CDH20: variants seen among roughly 807,000 people sequenced by gnomAD.
The protein encoded by CDH20 is cadherin 20, also known as cadherin-20.
Under a neutral mutation model 74.2 loss-of-function variants are expected in CDH20, and 29 were observed. The observed-to-expected ratio is 0.39, with a 90% confidence interval of 0.29 to 0.53. The LOEUF (loss-of-function observed/expected upper bound fraction) is 0.53, where lower values mean the gene tolerates loss of function less well. CDH20 is among the 20% of genes least tolerant of loss of function. CDH20 has a pLI of 0.69. For missense variants in CDH20, 988 were observed against 1,048.3 expected, an observed-to-expected ratio of 0.94 and a Z score of 0.79; for synonymous variants, 469 against 405.4, an observed-to-expected ratio of 1.16 and a Z score of -1.88.
At chr18:61,514,619 A>G (rs1358380848) in intron 6 of CDH20, among the ~76,000 whole-genome samples, 2 of 149,430 alleles carry the variant, frequency 1.3e-5, no homozygotes, top group African/African-American at 4.9e-5. Flanking sequence ...TTTTTTCCCC[A>G]TCTTTGTGGT....
chr18:61,400,952 A>G (rs1912133347), intron 1 of CDH20, among the ~76,000 whole-genome samples: 2 of 152,198 alleles, frequency 1.3e-5, no homozygotes, highest in South Asian at 4.1e-4. Flanking sequence ...AGTGGCTGCT[A>G]TTTAGACTTA....
At position 61,353,557 on chromosome 18, in the gene CDH20, G is replaced by A. The variant is rs550297662; in HGVS notation, c.-153+19730G>A. On this transcript the variant is annotated intron_variant, in intron 1 of 11. Transcript: ENST00000262717. The surrounding 1 kb of genome is among the most constrained non-coding windows in gnomAD (Gnocchi z 4.6). ...CAGCTTTACTTGCTTTTGAATATCC[G>A]ACAGTGTGTATCACAGTGCTTTGCA... 1.9e-4 allele frequency among the ~76,000 whole-genome samples: 29 copies of A among 152,238 alleles called. No homozygotes were observed. Among genetic ancestry groups the A allele is most frequent in the Middle Eastern group, 6.8e-3 (2 of 294 alleles).
At chr18:61,452,263 A>G (rs1216097050) in intron 1 of CDH20, among the ~76,000 whole-genome samples, 2 of 152,156 alleles carry the variant, frequency 1.3e-5, no homozygotes, top group East Asian at 1.9e-4. Context: ...TGTATGTGTG[A>G]AATTTTATGT....
chr18:61,393,592 A>T (rs1263909849), intron 1 of CDH20, among the ~76,000 whole-genome samples: 3 of 152,182 alleles, frequency 2.0e-5, no homozygotes, highest in Non-Finnish European at 2.9e-5. Flanking sequence ...AATTATATAA[A>T]TTGTGTATAG....
intron 1 of CDH20, among the ~76,000 whole-genome samples, chr18:61,417,549 A>G (rs910897901): frequency 1.3e-4 from 17 of 129,310 alleles, no homozygotes; most frequent in Admixed American, 1.0e-3. Context: ...AAAGAAAAAT[A>G]CTGTATGTTC....
At chr18:61,361,471 A>G (rs1910692611) in intron 1 of CDH20, among the ~76,000 whole-genome samples, 2 of 152,246 alleles carry the variant, frequency 1.3e-5, no homozygotes, top group Admixed American at 1.3e-4. Context: ...ATCTAAGTCA[A>G]TCAGCCTTTT....
intron 1 of CDH20, among the ~76,000 whole-genome samples, chr18:61,488,112 G>A (rs1027295223): frequency 3.0e-4 from 46 of 151,316 alleles, no homozygotes; most frequent in Admixed American, 9.2e-4. Flanking sequence ...ATATATGTAT[G>A]TATAGTGAGT....
intron 11 of CDH20, among the ~76,000 whole-genome samples, chr18:61,553,247 A>C (rs1224404679): frequency 1.4e-5 from 2 of 144,576 alleles, no homozygotes; most frequent in Admixed American, 6.9e-5. Flanking sequence ...TTCACCAGCT[A>C]TAACAAAGCA....
At chr18:61,551,735 T>C (rs1539996) in intron 11 of CDH20, among the ~76,000 whole-genome samples, 120,061 of 152,086 alleles carry the variant, frequency 0.79, 47,567 homozygotes, top group East Asian at 0.89. Flanking sequence ...CAGAAGTGGA[T>C]GACCTGTAAG....
At chr18:61,551,544 G>T (rs892256700) in intron 11 of CDH20, among the ~76,000 whole-genome samples, 2 of 152,166 alleles carry the variant, frequency 1.3e-5, no homozygotes, top group Admixed American at 6.5e-5. Flanking sequence ...GTTTAATTTT[G>T]TTGTTTTAGT....
intron 1 of CDH20, among the ~76,000 whole-genome samples, chr18:61,485,168 TTTC>T (rs1190659519): frequency 3.3e-5 from 5 of 152,206 alleles, no homozygotes; most frequent in African/African-American, 4.8e-5. Flanking sequence ...AAGCATTCCT[TTTC>T]TTCTTCTGTT....
chr18:61,429,711 C>G (rs1173395716), intron 1 of CDH20, among the ~76,000 whole-genome samples: 3 of 152,180 alleles, frequency 2.0e-5, no homozygotes, highest in African/African-American at 7.2e-5. Flanking sequence ...AGTCAAATCA[C>G]CTCGGCAATT....
At chr18:61,545,854 T>A (rs561594139) in intron 10 of CDH20, among the ~76,000 whole-genome samples, 1 of 152,228 alleles carries the variant, frequency 6.6e-6, no homozygotes, top group South Asian at 2.1e-4. Context: ...GGGTTCCCTA[T>A]CCATAAACTG....
Position 61,481,602 on chromosome 18 carries a change from G to T in CDH20, c.-152-8800G>T, listed in dbSNP as rs111296791. On this transcript the variant is annotated intron_variant, in intron 1 of 11. Coordinates refer to ENST00000262717, the MANE Select transcript of CDH20 (RefSeq NM_031891.4). ...GGTTTGTTTTGTTAGGGCATTAAAAGGCAAATTTTTCTTTTTCTTGAACAG... is the reference window on the plus strand; with the variant it reads ...GGTTTGTTTTGTTAGGGCATTAAAATGCAAATTTTTCTTTTTCTTGAACAG... 7.6e-3 allele frequency among the ~76,000 whole-genome samples: 1,152 copies of T among 152,260 alleles called. 19 individuals carry two copies. The highest frequency in any genetic ancestry group is 0.027 in the African/African-American group (1,105 of 41,548).
At chr18:61,442,307 C>T (rs1018855248) in intron 1 of CDH20, among the ~76,000 whole-genome samples, 3 of 149,594 alleles carry the variant, frequency 2.0e-5, no homozygotes, top group African/African-American at 7.4e-5. Flanking sequence ...ACTAAGATCG[C>T]ACCACTGTAC....
intron 1 of CDH20, among the ~76,000 whole-genome samples, chr18:61,339,731 A>G (rs944304508): frequency 7.6e-5 from 9 of 117,754 alleles, no homozygotes; most frequent in Non-Finnish European, 1.3e-4. Context: ...TCTGTCGCCT[A>G]GGCTGGAGTG....
intron 1 of CDH20, among the ~76,000 whole-genome samples, chr18:61,480,949 AATT>A (rs1404522673): frequency 6.6e-6 from 1 of 152,238 alleles, no homozygotes; most frequent in African/African-American, 2.4e-5. Flanking sequence ...TATGTTCACT[AATT>A]GTTGCAGGTG....
intron 1 of CDH20, among the ~76,000 whole-genome samples, chr18:61,489,691 T>C (rs2144294798): frequency 6.6e-6 from 1 of 152,226 alleles, no homozygotes; most frequent in East Asian, 1.9e-4. Context: ...ATGTGACTAA[T>C]AGCACTTTAA....
chr18:61,420,913 G>C (rs1431438674), intron 1 of CDH20, among the ~76,000 whole-genome samples: 2 of 152,048 alleles, frequency 1.3e-5, no homozygotes, highest in Non-Finnish European at 2.9e-5. Context: ...AACTAGCTGG[G>C]CGTGTGGCGT....
Sources: gnomAD v4.1 joint callset for allele counts (sites outside exome capture counted in the v4.1 genomes callset) on GRCh38, gnomAD v4.1.1 for gene constraint, Gnocchi (gnomAD v3.1) non-coding constraint, MANE v1.5 for transcripts, NCBI Gene and HGNC (gene_info 2026-07-23, HGNC 2026-07-21) for gene names.